ST7: variants seen among roughly 807,000 people sequenced by gnomAD.
The protein encoded by ST7 is suppressor of tumorigenicity 7 protein.
A neutral mutation model predicts 78.7 loss-of-function variants in ST7; 28 were observed. That is an observed-to-expected ratio of 0.36 (90% CI 0.26 to 0.49). The LOEUF (loss-of-function observed/expected upper bound fraction) is 0.49. ST7 is among the 20% of genes least tolerant of loss of function. ST7 has a pLI of 0.99. For missense variants in ST7, 418 were observed against 696.0 expected (o/e 0.60, Z 4.49); for synonymous variants, 247 against 249.6 (o/e 0.99, Z 0.10).
intron 10 of ST7, among the ~76,000 whole-genome samples, chr7:117,188,629 GT>G (rs1176966910): frequency 6.6e-6 from 1 of 152,096 alleles, no homozygotes; most frequent in Non-Finnish European, 1.5e-5. Flanking sequence ...GAAAGGAACT[GT>G]TTTTCCTGAT....
At chr7:117,100,023 G>GA (rs1461332837) in intron 2 of ST7, among the ~76,000 whole-genome samples, 179 bp downstream of exon 2, 3 of 152,096 alleles carry the variant, frequency 2.0e-5, no homozygotes, top group Non-Finnish European at 2.9e-5. Flanking sequence ...TTATATTTCT[G>GA]AAATATTTGA....
At chr7:117,179,187 G>A (rs145358002) in intron 10 of ST7, among the ~76,000 whole-genome samples, 107 of 152,286 alleles carry the variant, frequency 7.0e-4, no homozygotes, top group African/African-American at 2.5e-3. Flanking sequence ...CTATTAGAAC[G>A]TACAACACTG....
chr7:117,055,453 C>T (rs1365051916), intron 1 of ST7, among the ~76,000 whole-genome samples: 1 of 152,130 alleles, frequency 6.6e-6, no homozygotes, highest in Non-Finnish European at 1.5e-5. Context: ...ATCCTCCTGC[C>T]TCGGCCTCCC....
intron 6 of ST7, 67 bp downstream of exon 6, chr7:117,132,027 A>G: frequency 7.2e-7 from 1 of 1,392,080 alleles, no homozygotes; most frequent in Non-Finnish European, 1.0e-6. Context: ...TTCAGTTGCC[A>G]TTGATAGGAT....
At chr7:116,967,752 A>G (rs1474097945) in intron 1 of ST7, among the ~76,000 whole-genome samples, 6 of 152,220 alleles carry the variant, frequency 3.9e-5, no homozygotes, top group Non-Finnish European at 8.8e-5. Context: ...CTAGTGCTCA[A>G]TACATTTTAG....
At chr7:117,069,872 C>A (rs1798838903) in intron 1 of ST7, among the ~76,000 whole-genome samples, 1 of 152,196 alleles carries the variant, frequency 6.6e-6, no homozygotes, top group Non-Finnish European at 1.5e-5. Flanking sequence ...GGACCACAGG[C>A]AAAAGCAGCT....
chr7:117,058,784 A>G (rs1294472485), intron 1 of ST7, among the ~76,000 whole-genome samples: 1 of 152,186 alleles, frequency 6.6e-6, no homozygotes, highest in East Asian at 1.9e-4. Context: ...CAAGATTTGG[A>G]AGCAACCTAA....
At position 117,115,190 on chromosome 7, in the gene ST7, C is replaced by T. The variant is rs79102331; in HGVS notation, c.235-4371C>T. 6.8e-3 allele frequency among the ~76,000 whole-genome samples: 1,030 copies of T among 152,200 alleles called. 9 individuals are homozygous for T. Among genetic ancestry groups the T allele is most frequent in the Non-Finnish European group, 9.9e-3 (673 of 68,002 alleles). On this transcript the variant is annotated intron_variant, in intron 2 of 15. Transcript: ENST00000323984. ...CCCAGAAGATATACCTAACCTGCAC[C>T]TCCACTGAGATCAGTGTCACCCAGT...
chr7:117,020,522 C>G (rs923937966), intron 1 of ST7: 5 of 1,508,978 alleles, frequency 3.3e-6, no homozygotes, highest in Admixed American at 4.1e-5. Flanking sequence ...TCTTCACTCT[C>G]ACATGTACAC....
At chr7:116,993,572 C>G (rs1376441206) in intron 1 of ST7, among the ~76,000 whole-genome samples, 1 of 152,210 alleles carries the variant, frequency 6.6e-6, no homozygotes, top group Non-Finnish European at 1.5e-5. Flanking sequence ...CATATCAAAC[C>G]ATATTTGCAT....
At chr7:116,979,193 G>A (rs977638354) in intron 1 of ST7, among the ~76,000 whole-genome samples, 4 of 152,090 alleles carry the variant, frequency 2.6e-5, no homozygotes, top group African/African-American at 9.7e-5. Flanking sequence ...GTCTTTCATT[G>A]GCTGAACCCA....
intron 12 of ST7, among the ~76,000 whole-genome samples, chr7:117,194,845 C>T (rs755626427): frequency 2.0e-5 from 3 of 152,170 alleles, no homozygotes; most frequent in Admixed American, 2.0e-4. Context: ...CTATCAGTGA[C>T]CCATCAACTA....
rs1792942802 is a variant in ST7 at position 117,219,681 on chromosome 7, G to T, written c.1498+505G>T. Among the ~76,000 whole-genome samples, 1 of 152,194 alleles carries T rather than the reference G, an allele frequency of 6.6e-6. No individual in the cohort carries two copies. The highest frequency in any genetic ancestry group is 2.4e-5 in the African/African-American group (1 of 41,450). ...TGCTGTGTGGTGAGGCTGTGCTCTG[G>T]CAAGAGGGATTTCCCGTGAGCACCT... On this transcript the variant is annotated intron_variant, in intron 14 of 15. Transcript: ENST00000323984. The surrounding 1 kb of genome is among the most constrained non-coding windows in gnomAD (Gnocchi z 5.1).
At chr7:117,210,525 G>T (rs1332423241) in intron 13 of ST7, among the ~76,000 whole-genome samples, 1 of 152,320 alleles carries the variant, frequency 6.6e-6, no homozygotes, top group Non-Finnish European at 1.5e-5. Flanking sequence ...CATGTAAGGA[G>T]AATAGGCTGT....
chr7:117,131,685 G>A (rs1317887762), intron 5 of ST7, among the ~76,000 whole-genome samples, 200 bp from the exon 6 acceptor site: 1 of 151,830 alleles, frequency 6.6e-6, no homozygotes, highest in East Asian at 1.9e-4. Context: ...CACAAAAAAG[G>A]TTTGCTATCA....
At chr7:117,022,173 T>C (rs577448125) in intron 1 of ST7, among the ~76,000 whole-genome samples, 1 of 152,214 alleles carries the variant, frequency 6.6e-6, no homozygotes, top group Non-Finnish European at 1.5e-5. Context: ...CTGTATGGTA[T>C]GTGTGAAAAC....
At chr7:117,008,081 T>C (rs1033944394) in intron 1 of ST7, among the ~76,000 whole-genome samples, 1 of 152,192 alleles carries the variant, frequency 6.6e-6, no homozygotes, top group Non-Finnish European at 1.5e-5. Context: ...GAGAGGAAAT[T>C]ATCTGCTTCT....
At chr7:117,111,989 T>C (rs1371245115) in intron 2 of ST7, among the ~76,000 whole-genome samples, 1 of 152,206 alleles carries the variant, frequency 6.6e-6, no homozygotes, top group African/African-American at 2.4e-5. Flanking sequence ...AATGTGTGTG[T>C]ATGTATTTCA....
intron 9 of ST7, among the ~76,000 whole-genome samples, chr7:117,143,995 C>T (rs1007314694): frequency 1.3e-5 from 2 of 152,112 alleles, no homozygotes; most frequent in Non-Finnish European, 2.9e-5. Context: ...TGTGCGTTTA[C>T]CTGTTGATAT....
Sources: gnomAD v4.1 joint callset for allele counts (sites outside exome capture counted in the v4.1 genomes callset) on GRCh38, gnomAD v4.1.1 for gene constraint, Gnocchi (gnomAD v3.1) non-coding constraint, MANE v1.5 for transcripts, NCBI Gene and HGNC (gene_info 2026-07-23, HGNC 2026-07-21) for gene names.